LRRN2: variants seen among roughly 807,000 people sequenced by gnomAD.
The protein encoded by LRRN2 is leucine rich repeat neuronal 2.
LRRN2 carries 10 observed loss-of-function variants against 35.7 expected under a neutral mutation model. The ratio of observed to expected loss-of-function variants is 0.28; its 90% CI spans 0.17 to 0.47. The LOEUF (loss-of-function observed/expected upper bound fraction) is 0.47. Ranked by LOEUF, LRRN2 falls within the 20% of genes least tolerant of loss-of-function variation. The probability of loss-of-function intolerance (pLI) is 0.99; values close to 1 mark genes in which losing one functional copy is unlikely to be tolerated. For synonymous variants in LRRN2, 391 were observed against 409.6 expected (o/e 0.95, Z 0.55); for missense variants, 731 against 940.3 (o/e 0.78, Z 2.91).
chr1:204,635,141 C>G (rs1192502772), intron 1 of LRRN2, among the ~76,000 whole-genome samples: 1 of 152,126 alleles, frequency 6.6e-6, no homozygotes, highest in Admixed American at 6.5e-5. Context: ...GTTCACTCTG[C>G]TTTGTTAGAG....
At chr1:204,676,992 G>A (rs147415906) in intron 1 of LRRN2, among the ~76,000 whole-genome samples, 199 of 152,264 alleles carry the variant, frequency 1.3e-3, no homozygotes, top group African/African-American at 4.6e-3. Flanking sequence ...ACTTCACAGC[G>A]TTATGTGGAC....
At chr1:204,648,921 C>T (rs907959281) in intron 1 of LRRN2, among the ~76,000 whole-genome samples, 24 of 152,162 alleles carry the variant, frequency 1.6e-4, no homozygotes, top group African/African-American at 5.8e-4. Flanking sequence ...TTCCACTAGC[C>T]GAGCTGCCTC....
chr1:204,619,688 T>A lies in LRRN2; in HGVS notation c.305A>T (p.Gln102Leu), dbSNP rs1011193304. 13 of 1,614,202 alleles carry A rather than the reference T, an allele frequency of 8.1e-6. No individual in the cohort carries two copies. Among genetic ancestry groups the A allele is most frequent in the Non-Finnish European group, 1.1e-5 (13 of 1,180,006 alleles). ...LANLTELDLSQNSFSDARDCD... is the reference protein window; with the variant it reads ...LANLTELDLSLNSFSDARDCD... ...GTCTCGGGCATCCGAAAAGCTGTTC[T>A]GGGACAGGTCCAGCTCTGTGAGATT... is the stretch of plus-strand genomic sequence containing the variant. The change falls in exon 2 of 2, where the codon CAG becomes CTG. Residue 102 changes from glutamine (Q) to leucine (L), a missense_variant. Physicochemically the swap from Gln to Leu is moderately radical, Grantham distance 113 (BLOSUM62 -2). This residue lies in a region of LRRN2 where 246 missense variants were observed against 289.5 expected (regional missense o/e 0.85). Coordinates refer to ENST00000367177, the MANE Select transcript of LRRN2 (RefSeq NM_201630.2).
At chr1:204,652,621 C>T (rs1668261034) in intron 1 of LRRN2, among the ~76,000 whole-genome samples, 1 of 152,132 alleles carries the variant, frequency 6.6e-6, no homozygotes, top group South Asian at 2.1e-4. Context: ...TAAATGGCAG[C>T]TATTTCTAAT....
intron 1 of LRRN2, among the ~76,000 whole-genome samples, chr1:204,637,737 G>A (rs184215168): frequency 2.0e-5 from 3 of 151,734 alleles, no homozygotes; most frequent in Non-Finnish European, 2.9e-5. Context: ...ACTCCTCTGC[G>A]GGAAGGCCCC....
chr1:204,660,579 A>ACACACT (rs1202252082), intron 1 of LRRN2, among the ~76,000 whole-genome samples: 2 of 95,120 alleles, frequency 2.1e-5, no homozygotes, highest in African/African-American at 6.6e-5. Flanking sequence ...ACACACACAC[A>ACACACT]CTCTCTCTCT....
intron 1 of LRRN2, chr1:204,628,426 C>T (rs1667564223): frequency 6.6e-6 from 1 of 152,286 alleles, no homozygotes; most frequent in Non-Finnish European, 1.5e-5. Context: ...CTGAGATTCT[C>T]ATCTGCAAGA....
At position 204,618,913 on chromosome 1, in the gene LRRN2, G is replaced by T; in HGVS notation, c.1080C>A (p.Asn360Lys). ...TGCCGTGGAGACCTACCTCCTGCAG[G>T]TTGGGCAGGGACTCCACCGTCTGCT... ...LHQQTVESLPNLQEVGLHGNP... is the reference protein window; with the variant it reads ...LHQQTVESLPKLQEVGLHGNP... The change falls in exon 2 of 2, where the codon AAC (asparagine) becomes AAA (lysine). Residue 360 changes from asparagine to lysine, a missense_variant. By Grantham distance (94) the Asn-to-Lys change is moderately conservative (BLOSUM62 0). Around this residue, in one of 3 missense-constraint regions of LRRN2, gnomAD observed 256 missense variants for 392.4 expected, o/e 0.65. Transcript: ENST00000367177. The T allele has an allele frequency of 6.2e-7, 1 of 1,614,182 alleles. No individual in the cohort carries two copies. Among genetic ancestry groups the T allele is most frequent in the Non-Finnish European group, 8.5e-7 (1 of 1,180,042 alleles).
chr1:204,672,694 T>C (rs904607112), intron 1 of LRRN2, among the ~76,000 whole-genome samples: 1 of 152,254 alleles, frequency 6.6e-6, no homozygotes, highest in South Asian at 2.1e-4. Context: ...TTGCTCTCCT[T>C]CCCTCCCTCC....
chr1:204,673,455 A>G (rs1668753288), intron 1 of LRRN2, among the ~76,000 whole-genome samples: 1 of 152,244 alleles, frequency 6.6e-6, no homozygotes, highest in African/African-American at 2.4e-5. Flanking sequence ...ATGAGGCTCA[A>G]TGAGAGACTG....
intron 1 of LRRN2, among the ~76,000 whole-genome samples, chr1:204,667,786 G>T (rs1435195510): frequency 2.0e-5 from 3 of 152,160 alleles, no homozygotes; most frequent in Admixed American, 2.0e-4. Flanking sequence ...AACGGTCTGA[G>T]AAAAGCTCAG....
intron 1 of LRRN2, among the ~76,000 whole-genome samples, chr1:204,674,379 T>C (rs1413823492): frequency 1.3e-5 from 2 of 151,020 alleles, no homozygotes; most frequent in African/African-American, 4.9e-5. Flanking sequence ...TGCCAATAAG[T>C]CATTAGAAAC....
At chr1:204,680,109 C>G (rs1471061666) in intron 1 of LRRN2, among the ~76,000 whole-genome samples, 2 of 152,196 alleles carry the variant, frequency 1.3e-5, no homozygotes, top group East Asian at 3.8e-4. Flanking sequence ...TCCCTTGGAT[C>G]TTTCCTAGCT....
At chr1:204,677,167 G>A (rs10900421) in intron 1 of LRRN2, among the ~76,000 whole-genome samples, 27,767 of 152,148 alleles carry the variant, frequency 0.18, 2,837 homozygotes, top group East Asian at 0.37. Flanking sequence ...AGGTGGCTAG[G>A]GACTGTGAAT....
intron 1 of LRRN2, among the ~76,000 whole-genome samples, chr1:204,651,230 C>T (rs1668217603): frequency 6.6e-6 from 1 of 152,190 alleles, no homozygotes; most frequent in Non-Finnish European, 1.5e-5. Flanking sequence ...AGTCCTACAG[C>T]CACCTGAATG....
rs137907199 is a variant in LRRN2, at chr1:204,634,377, C to G, written c.-226-14159G>C. On this transcript the variant is annotated intron_variant, in intron 1 of 1. Transcript: ENST00000367177. ...TGTAAAAGGCCCTTGGCTTGGAAGT[C>G]AGGGACTGTTATGGGTTGAAGTGTG... 1.4e-4 allele frequency among the ~76,000 whole-genome samples: 22 copies of G among 152,308 alleles called. No homozygotes were observed. In the East Asian group the frequency reaches 4.2e-3, roughly 29 times the overall value.
chr1:204,670,006 G>GTT (rs1042438499), intron 1 of LRRN2, among the ~76,000 whole-genome samples: 3 of 138,652 alleles, frequency 2.2e-5, no homozygotes, highest in African/African-American at 8.6e-5. Flanking sequence ...ATTTCCACTC[G>GTT]TTTTTTTTTT....
At chr1:204,668,659 T>C (rs1314528319) in intron 1 of LRRN2, among the ~76,000 whole-genome samples, 2 of 152,194 alleles carry the variant, frequency 1.3e-5, no homozygotes, top group East Asian at 1.9e-4. Context: ...TGATCAGCCA[T>C]GTGACTGTGG....
chr1:204,661,222 C>T (rs1460315008), intron 1 of LRRN2, among the ~76,000 whole-genome samples: 1 of 152,136 alleles, frequency 6.6e-6, no homozygotes, highest in African/African-American at 2.4e-5. Context: ...ACAAATACTC[C>T]ATTCACATGA....
Sources: allele counts gnomAD v4.1 joint callset (sites outside exome capture counted in the v4.1 genomes callset), GRCh38; gene constraint gnomAD v4.1.1; regional missense constraint gnomAD v4.1.1; transcripts MANE v1.5; gene names NCBI Gene and HGNC (gene_info 2026-07-23, HGNC 2026-07-21).